Variants in PDE1A observed in about 807,000 individuals in gnomAD.
The protein encoded by PDE1A is phosphodiesterase 1A.
PDE1A carries 35 observed loss-of-function variants against 61.7 expected under a neutral mutation model. The observed-to-expected ratio is 0.57, with a 90% CI of 0.43 to 0.75. PDE1A has a LOEUF of 0.75. Among genes scored for constraint, PDE1A ranks in the 30% least tolerant of loss-of-function variants. The probability of loss-of-function intolerance (pLI) is 0.00; values close to 1 mark genes in which losing one functional copy is unlikely to be tolerated. For synonymous variants in PDE1A, 232 were observed against 213.2 expected (o/e 1.09, Z -0.77); for missense variants, 597 against 630.6 (o/e 0.95, Z 0.57).
intron 1 of PDE1A, among the ~76,000 whole-genome samples, chr2:182,312,662 A>G (rs1696062781): frequency 1.3e-5 from 2 of 152,160 alleles, no homozygotes; most frequent in South Asian, 4.1e-4. Context: ...ACATTTCTCT[A>G]CTATCTACCA....
chr2:182,381,001 T>C (rs1268383053), intron 1 of PDE1A, among the ~76,000 whole-genome samples: 3 of 152,170 alleles, frequency 2.0e-5, no homozygotes, highest in Non-Finnish European at 4.4e-5. Flanking sequence ...TTACTAGCCA[T>C]GGCAGATGTG....
intron 7 of PDE1A, among the ~76,000 whole-genome samples, chr2:182,221,635 A>G (rs977170418): frequency 9.2e-5 from 14 of 151,922 alleles, no homozygotes; most frequent in African/African-American, 3.4e-4. Flanking sequence ...GCCCTCCCCA[A>G]CACTTCACTG....
At chr2:182,369,448 A>C (rs1700012178) in intron 1 of PDE1A, among the ~76,000 whole-genome samples, 1 of 152,226 alleles carries the variant, frequency 6.6e-6, no homozygotes, top group African/African-American at 2.4e-5. Flanking sequence ...AAATATAAGT[A>C]AAGTGGTCTC....
intron 1 of PDE1A, among the ~76,000 whole-genome samples, chr2:182,353,996 A>G (rs1699035978): frequency 6.6e-6 from 1 of 152,084 alleles, no homozygotes; most frequent in South Asian, 2.1e-4. Context: ...TTGCAACCAT[A>G]AGACTTTAGT....
chr2:182,612,075 C>T, the PDE1A span, among the ~76,000 whole-genome samples: 1 of 152,104 alleles, frequency 6.6e-6, no homozygotes, highest in African/African-American at 2.4e-5. Flanking sequence ...AGGACTCCAG[C>T]CCAGTACTAA....
chr2:182,384,857 C>T (rs529962408), intron 1 of PDE1A, among the ~76,000 whole-genome samples: 1 of 152,100 alleles, frequency 6.6e-6, no homozygotes, highest in East Asian at 1.9e-4. Flanking sequence ...AATAAGACTA[C>T]CCCAGTACCT....
chr2:182,312,412 C>G (rs943423320), intron 1 of PDE1A, among the ~76,000 whole-genome samples: 35 of 152,070 alleles, frequency 2.3e-4, no homozygotes, highest in African/African-American at 8.0e-4. Context: ...ATAATTTCTC[C>G]TAGATGTTTT....
At chr2:182,570,996 C>T in the PDE1A span, among the ~76,000 whole-genome samples, 7 of 152,226 alleles carry the variant, frequency 4.6e-5, no homozygotes, top group Admixed American at 2.0e-4. Flanking sequence ...CAAAATCATT[C>T]GTAAGGTTCT....
At chr2:182,296,747 G>C (rs1156420648) in intron 1 of PDE1A, among the ~76,000 whole-genome samples, 1 of 152,184 alleles carries the variant, frequency 6.6e-6, no homozygotes, top group South Asian at 2.1e-4. Flanking sequence ...TGGGTGTGCT[G>C]TGAGTGTTTC....
intron 2 of PDE1A, among the ~76,000 whole-genome samples, chr2:182,480,725 G>A (rs1475276107): frequency 1.3e-5 from 2 of 151,856 alleles, no homozygotes; most frequent in African/African-American, 4.8e-5. Context: ...ATCTTCTGAG[G>A]TTCTGAAACC....
At chr2:182,264,303 T>C in exon 2 of PDE1A, 1 of 1,599,464 alleles carries the variant, frequency 6.3e-7, no homozygotes, top group Non-Finnish European at 8.6e-7. Flanking sequence ...AAACTTACCT[T>C]GTTTCATCGA....
chr2:182,389,764 C>T (rs1437319043), intron 1 of PDE1A, among the ~76,000 whole-genome samples: 1 of 152,082 alleles, frequency 6.6e-6, no homozygotes, highest in Non-Finnish European at 1.5e-5. Context: ...GGTAGACTCA[C>T]CCTCAATCTG....
chr2:182,175,012 G>C (rs1692605337), intron 13 of PDE1A, among the ~76,000 whole-genome samples: 1 of 152,068 alleles, frequency 6.6e-6, no homozygotes, highest in African/African-American at 2.4e-5. Flanking sequence ...TTCTGTTCCT[G>C]TGTTAGTTTG....
At chr2:182,448,722 A>C (rs531223967) in intron 2 of PDE1A, among the ~76,000 whole-genome samples, 35 of 152,250 alleles carry the variant, frequency 2.3e-4, no homozygotes, top group African/African-American at 8.4e-4. Context: ...AATTTAGTGC[A>C]GTTTGATGGA....
the PDE1A span, among the ~76,000 whole-genome samples, chr2:182,580,637 T>C: frequency 0.084 from 12,786 of 152,202 alleles, 1,729 homozygotes; most frequent in African/African-American, 0.29. Context: ...ATAACTTAAA[T>C]GGAAGACTGG....
At chr2:182,297,443 T>C (rs979216854) in intron 1 of PDE1A, among the ~76,000 whole-genome samples, 6 of 152,232 alleles carry the variant, frequency 3.9e-5, no homozygotes, top group Non-Finnish European at 5.9e-5. Context: ...ATCATTAAAT[T>C]GGATTGGGGC....
At chr2:182,193,325 G>A (rs1278714465) in intron 10 of PDE1A, among the ~76,000 whole-genome samples, 1 of 152,038 alleles carries the variant, frequency 6.6e-6, no homozygotes, top group African/African-American at 2.4e-5. Context: ...AGATAAGACA[G>A]GGTAAAGTAT....
chr2:182,657,463 C>T, the PDE1A span, among the ~76,000 whole-genome samples: 3 of 152,162 alleles, frequency 2.0e-5, no homozygotes, highest in African/African-American at 7.2e-5. Flanking sequence ...ATAAAAAATA[C>T]TTGCCAGACC....
At chr2:182,153,085 G>C (rs1468679084) in intron 13 of PDE1A, among the ~76,000 whole-genome samples, 1 of 152,092 alleles carries the variant, frequency 6.6e-6, no homozygotes, top group Non-Finnish European at 1.5e-5. Flanking sequence ...GATATGTAGA[G>C]AGTTTTACAG....
Sources: allele counts gnomAD v4.1 joint callset (sites outside exome capture counted in the v4.1 genomes callset), GRCh38; gene constraint gnomAD v4.1.1; transcripts MANE v1.5; gene names NCBI Gene and HGNC (gene_info 2026-07-23, HGNC 2026-07-21).